CELSR1: variants seen among roughly 807,000 people sequenced by gnomAD.
CELSR1 encodes cadherin EGF LAG seven-pass G-type receptor 1, also known as adhesion G protein-coupled receptor C1.
Under a neutral mutation model 249.1 loss-of-function variants are expected in CELSR1, and 110 were observed. That is an observed-to-expected ratio of 0.44 (90% CI 0.38 to 0.52). The LOEUF (loss-of-function observed/expected upper bound fraction) is 0.52. Ranked by LOEUF, CELSR1 falls within the 20% of genes least tolerant of loss-of-function variation. The pLI, the probability that CELSR1 is intolerant of heterozygous loss-of-function variation, is 0.00. For missense variants in CELSR1, 4,109 were observed against 4,296.4 expected (o/e 0.96, Z 1.22); for synonymous variants, 2,113 against 1,900.0 (o/e 1.11, Z -2.92).
chr22:46,448,991 CATCT>C lies in CELSR1; in HGVS notation c.4184-9584_4184-9581del, dbSNP rs2079851188. ...TGATAAAACACCACACGAATTTGCC[CATCT>C]GTTATTCCATTCACTCATCTATCCA... is the stretch of plus-strand genomic sequence containing the variant. On this transcript the variant is annotated intron_variant, in intron 2 of 34. Transcript: ENST00000674500. The surrounding 1 kb of genome is among the most constrained non-coding windows in gnomAD (Gnocchi z 5.7). Among the ~76,000 whole-genome samples the C allele has an allele frequency of 6.6e-6, 1 of 152,110 alleles. No individual in the cohort carries two copies.
chr22:46,419,164 A>C (rs2079436949), intron 5 of CELSR1, among the ~76,000 whole-genome samples: 1 of 152,196 alleles, frequency 6.6e-6, no homozygotes, highest in Non-Finnish European at 1.5e-5. Flanking sequence ...CATCGGGACC[A>C]GGTCACCTCT....
intron 5 of CELSR1, among the ~76,000 whole-genome samples, chr22:46,414,316 A>C (rs1569146175): frequency 1.3e-5 from 2 of 152,238 alleles, no homozygotes; most frequent in Non-Finnish European, 2.9e-5. Flanking sequence ...TTTTGGCGAA[A>C]GAGCCGAATG....
At chr22:46,486,779 GT>G (rs1378675874) in intron 1 of CELSR1, among the ~76,000 whole-genome samples, 3 of 151,972 alleles carry the variant, frequency 2.0e-5, no homozygotes, top group Non-Finnish European at 2.9e-5. Flanking sequence ...GGAGGTGGAG[GT>G]TGCAGTGAGC....
chr22:46,367,930 A>G (rs77868184), intron 27 of CELSR1, 75 bp from the exon 28 acceptor site: 1 of 1,499,266 alleles, frequency 6.7e-7, no homozygotes. Flanking sequence ...CTGCACGTCC[A>G]CCTGTCCACC....
chr22:46,499,255 C>G lies in CELSR1; in HGVS notation c.3544+34372G>C, dbSNP rs571240247. 3.2e-4 allele frequency among the ~76,000 whole-genome samples: 48 copies of G among 151,550 alleles called. 2 individuals carry two copies. Among genetic ancestry groups the G allele is most frequent in the Admixed American group, 3.1e-3 (47 of 15,210 alleles). On this transcript the variant is annotated intron_variant, in intron 1 of 34. Transcript: ENST00000674500. ...TCCTGGGCTCAGCAATGCTAACCCC[C>G]ACACAGAAACCACAGAGGAAAACTG...
intron 1 of CELSR1, among the ~76,000 whole-genome samples, chr22:46,519,470 G>A (rs1047526048): frequency 2.0e-5 from 3 of 152,252 alleles, no homozygotes; most frequent in South Asian, 2.1e-4. Flanking sequence ...ACAGGGCTAC[G>A]ATTTGGGAGC....
At position 46,536,570 on chromosome 22, in the gene CELSR1, C is replaced by T; in HGVS notation, c.601G>A (p.Glu201Lys). The T allele has an allele frequency of 2.3e-6, 3 of 1,301,144 alleles. No homozygotes were observed. Among genetic ancestry groups the T allele is most frequent in the Non-Finnish European group, 2.9e-6 (3 of 1,030,736 alleles). 80.6% of individuals were successfully genotyped at this position (1,301,144 alleles called of 1,614,324 possible). Residue 201 changes from glutamate (E) to lysine (K), a missense_variant, in exon 1 of 35, where the codon GAG (glutamate) becomes AAG (lysine). Glu to Lys is a moderately conservative substitution (Grantham distance 56, BLOSUM62 1). Coordinates refer to ENST00000674500, the MANE Select transcript of CELSR1 (RefSeq NM_001378328.1). ...GAGGGCGTCCCCGCGGTGGCGGCCTCCAGCGCCAGTCCCACCCGGACGGCG... is the reference window on the plus strand; with the variant it reads ...GAGGGCGTCCCCGCGGTGGCGGCCTTCAGCGCCAGTCCCACCCGGACGGCG... ...AGAVRVGLAL[E>K]AATAGTPSAS...
intron 1 of CELSR1, among the ~76,000 whole-genome samples, chr22:46,523,296 A>AG (rs2080703819): frequency 6.6e-6 from 1 of 152,310 alleles, no homozygotes; most frequent in African/African-American, 2.4e-5. Context: ...TGGGAGGCCA[A>AG]GGCGGACGGT....
Position 46,399,648 on chromosome 22 carries a change from G to A in CELSR1, c.5412+69C>T. On this transcript the variant is annotated intron_variant, in intron 10 of 34. Coordinates refer to ENST00000674500, the MANE Select transcript of CELSR1 (RefSeq NM_001378328.1). This position sits in a 1 kb window ranked among gnomAD's most constrained non-coding sequence, Gnocchi z 5.0. ...CTCTGGTGGGTCCTGGCACGTCAAG[G>A]GGTCATTCTGTTTTTCCCTGGGCCG... 6.6e-7 allele frequency: 1 copy of A among 1,507,604 alleles called. No homozygotes were observed. Among genetic ancestry groups the A allele is most frequent in the Non-Finnish European group, 9.2e-7 (1 of 1,089,450 alleles). 93.4% of individuals were successfully genotyped at this position (1,507,604 alleles called of 1,614,324 possible). A position where few individuals can be genotyped will look rare whatever the true frequency, so the allele number is the denominator to read the frequency against.
At chr22:46,386,349 G>A in intron 19 of CELSR1, 53 bp downstream of exon 19, 1 of 1,452,638 alleles carries the variant, frequency 6.9e-7, no homozygotes, top group Non-Finnish European at 9.1e-7. Context: ...CTAGCTCTGG[G>A]GCACACCCCT....
In CELSR1 at chr22:46,372,997, T is replaced by G; in HGVS notation, c.7645A>C (p.Thr2549Pro). 2 of 1,612,714 alleles carry G rather than the reference T, an allele frequency of 1.2e-6. No homozygotes were observed. The highest frequency in any genetic ancestry group is 1.7e-6 in the Non-Finnish European group (2 of 1,179,716). ...TAGACATGCAGGCTCTCCACGAGGG[T>G]CCAGGCAAAGGTGCTCATGTAGATG... ...HYIYMSTFAW[T>P]LVESLHVYRM... The change falls in exon 25 of 35, where the codon ACC becomes CCC. Residue 2549 changes from threonine to proline, a missense_variant. This residue lies in a region of CELSR1 where 1,805 missense variants were observed against 1,831.6 expected (regional missense o/e 0.99). Coordinates refer to ENST00000674500, the MANE Select transcript of CELSR1 (RefSeq NM_001378328.1).
intron 5 of CELSR1, among the ~76,000 whole-genome samples, chr22:46,425,153 C>G (rs2079522944): frequency 6.6e-6 from 1 of 152,214 alleles, no homozygotes; most frequent in Admixed American, 6.5e-5. Flanking sequence ...GCCATCTGGG[C>G]TGTCTCCCAT....
chr22:46,435,568 C>A (rs931756052), intron 4 of CELSR1, among the ~76,000 whole-genome samples: 2 of 152,124 alleles, frequency 1.3e-5, no homozygotes, highest in Non-Finnish European at 2.9e-5. Flanking sequence ...CAGGCATGAG[C>A]CACTGCACCC....
rs929915561 is a variant in CELSR1 at position 46,506,717 on chromosome 22, G to A, written c.3544+26910C>T. On this transcript the variant is annotated intron_variant, in intron 1 of 34. Transcript: ENST00000674500. This position sits in a 1 kb window ranked among gnomAD's most constrained non-coding sequence, Gnocchi z 4.1. Reference sequence around the variant, plus strand: ...CCGCTGAGACAAGCCCAAATCGAGAGTTACGTTCTAATTTTAAGATCTCTG... The same window carrying A: ...CCGCTGAGACAAGCCCAAATCGAGAATTACGTTCTAATTTTAAGATCTCTG... 3.3e-5 allele frequency among the ~76,000 whole-genome samples: 5 copies of A among 152,190 alleles called. No homozygotes were observed. The highest frequency in any genetic ancestry group is 1.2e-4 in the African/African-American group (5 of 41,448).
At chr22:46,387,445 G>A (rs1345100649) in intron 18 of CELSR1, among the ~76,000 whole-genome samples, 1 of 152,034 alleles carries the variant, frequency 6.6e-6, no homozygotes, top group Non-Finnish European at 1.5e-5. Flanking sequence ...CAGTGGCACA[G>A]TCTTGGCTCA....
At position 46,490,344 on chromosome 22, in the gene CELSR1, C is replaced by T. The variant is rs1424030455; in HGVS notation, c.3545-25999G>A. On this transcript the variant is annotated intron_variant, in intron 1 of 34. Coordinates refer to ENST00000674500, the MANE Select transcript of CELSR1 (RefSeq NM_001378328.1). The surrounding 1 kb of genome is among the most constrained non-coding windows in gnomAD (Gnocchi z 5.2). The stretch of plus-strand genomic sequence containing the variant: ...CTCTGCCACCCAGGCTGGAGTACAG[C>T]GGCGCAATCTTGGCTCACTCCAACC... Among the ~76,000 whole-genome samples, 2 of 152,022 alleles carry T rather than the reference C, an allele frequency of 1.3e-5. No individual in the cohort carries two copies. The highest frequency in any genetic ancestry group is 2.1e-4 in the South Asian group (1 of 4,816).
At chr22:46,439,124 T>C in intron 3 of CELSR1, 65 bp downstream of exon 3, 12 of 1,423,190 alleles carry the variant, frequency 8.4e-6, no homozygotes, top group South Asian at 1.3e-5. Flanking sequence ...AGGGATGGGG[T>C]GCACGGAGAA....
intron 2 of CELSR1, among the ~76,000 whole-genome samples, chr22:46,457,006 T>A (rs1045134942): frequency 5.3e-5 from 8 of 152,080 alleles, no homozygotes; most frequent in Non-Finnish European, 8.8e-5. Context: ...ACTCACCTAC[T>A]CGGTTCCTGA....
At chr22:46,371,574 A>AC (rs2078851750) in intron 25 of CELSR1, among the ~76,000 whole-genome samples, 1 of 151,262 alleles carries the variant, frequency 6.6e-6, no homozygotes, top group Non-Finnish European at 1.5e-5. Context: ...CACTGCACCC[A>AC]CCCATCCATT....
Sources: allele counts gnomAD v4.1 joint callset (sites outside exome capture counted in the v4.1 genomes callset), GRCh38; gene constraint gnomAD v4.1.1; regional missense constraint gnomAD v4.1.1; non-coding constraint Gnocchi (gnomAD v3.1); transcripts MANE v1.5; gene names NCBI Gene and HGNC (gene_info 2026-07-23, HGNC 2026-07-21).